The following SEMA6D variants were observed in gnomAD, a reference collection of about 807,000 sequenced individuals.
The protein encoded by SEMA6D is semaphorin 6D.
Under a neutral mutation model 106.6 loss-of-function variants are expected in SEMA6D, and 35 were observed. The observed-to-expected ratio is 0.33, with a 90% CI of 0.25 to 0.44. The LOEUF (loss-of-function observed/expected upper bound fraction) is 0.44, where lower values mean the gene tolerates loss of function less well. Ranked by LOEUF, SEMA6D falls within the 20% of genes least tolerant of loss-of-function variation. The pLI, the probability that SEMA6D is intolerant of heterozygous loss-of-function variation, is 1.00. For missense variants in SEMA6D, 1,185 were observed against 1,345.9 expected, an observed-to-expected ratio of 0.88 and a Z score of 1.87; for synonymous variants, 499 against 487.7, an observed-to-expected ratio of 1.02 and a Z score of -0.31.
At chr15:47,208,963 G>C (rs7169820) in intron 1 of SEMA6D, among the ~76,000 whole-genome samples, 7 of 151,944 alleles carry the variant, frequency 4.6e-5, no homozygotes, top group Admixed American at 2.0e-4. Flanking sequence ...TCACTAATAA[G>C]AAGGAGTCCA....
chr15:47,761,894 C>CA (rs1207686257), intron 7 of SEMA6D, 143 bp downstream of exon 7: 8 of 744,168 alleles, frequency 1.1e-5, no homozygotes, highest in Non-Finnish European at 1.5e-5. Context: ...CACAAATTTC[C>CA]AAAAAAAGAA....
intron 1 of SEMA6D, among the ~76,000 whole-genome samples, chr15:47,258,246 A>G (rs906563364): frequency 1.3e-5 from 2 of 152,304 alleles, no homozygotes; most frequent in East Asian, 1.9e-4. Context: ...CTTAGACCAC[A>G]CATTTAAGAT....
At chr15:47,439,048 A>G (rs406196) in intron 2 of SEMA6D, among the ~76,000 whole-genome samples, 119,951 of 151,406 alleles carry the variant, frequency 0.79, 48,563 homozygotes, top group East Asian at 0.98. Flanking sequence ...AGCTAAAAGA[A>G]ATAACCTGAA....
intron 3 of SEMA6D, among the ~76,000 whole-genome samples, chr15:47,587,933 T>C (rs2076372367): frequency 6.6e-6 from 1 of 152,144 alleles, no homozygotes; most frequent in Admixed American, 6.5e-5. Context: ...GATGGCAACA[T>C]TGATTTACTC....
chr15:47,685,757 C>T (rs994790645), intron 4 of SEMA6D, among the ~76,000 whole-genome samples: 7 of 152,052 alleles, frequency 4.6e-5, no homozygotes, highest in East Asian at 3.9e-4. Flanking sequence ...GGTTGAATCC[C>T]GGGTATCTAG....
chr15:47,234,072 A>G (rs1337769739), intron 1 of SEMA6D, among the ~76,000 whole-genome samples: 1 of 151,960 alleles, frequency 6.6e-6, no homozygotes, highest in Non-Finnish European at 1.5e-5. Flanking sequence ...GACAAACAAT[A>G]TACCAACCAA....
At chr15:47,515,745 G>A (rs1427279278) in intron 3 of SEMA6D, among the ~76,000 whole-genome samples, 1 of 152,174 alleles carries the variant, frequency 6.6e-6, no homozygotes, top group African/African-American at 2.4e-5. Context: ...ATATGATCTG[G>A]CATTTGGAGC....
At position 47,253,197 on chromosome 15, in the gene SEMA6D, A is replaced by G. The variant is rs576125350; in HGVS notation, c.-239+68779A>G. 6.6e-5 allele frequency among the ~76,000 whole-genome samples: 10 copies of G among 152,210 alleles called. No individual in the cohort carries two copies. The East Asian group carries it at 1.4e-3, about 21-fold the overall frequency. On this transcript the variant is annotated intron_variant, in intron 1 of 19. Transcript: ENST00000558014. Reference sequence around the variant, plus strand: ...TTAGTGATTTACCTAATGATTATTTACCTAGCGATCAGTGATTTTGCTATT... The same window carrying G: ...TTAGTGATTTACCTAATGATTATTTGCCTAGCGATCAGTGATTTTGCTATT...
chr15:47,503,351 A>G (rs1032224337), intron 3 of SEMA6D, among the ~76,000 whole-genome samples: 2 of 152,226 alleles, frequency 1.3e-5, no homozygotes, highest in Non-Finnish European at 2.9e-5. Flanking sequence ...AAACAAAGTG[A>G]GAACATACCA....
At chr15:47,199,817 T>C (rs985754900) in intron 1 of SEMA6D, among the ~76,000 whole-genome samples, 1 of 152,148 alleles carries the variant, frequency 6.6e-6, no homozygotes, top group Admixed American at 6.6e-5. Flanking sequence ...TGAACTGAGA[T>C]GTCTAATAAT....
intron 1 of SEMA6D, among the ~76,000 whole-genome samples, chr15:47,721,311 G>A (rs1307070898): frequency 1.3e-5 from 2 of 152,198 alleles, no homozygotes; most frequent in Non-Finnish European, 2.9e-5. Flanking sequence ...TAACACTAGT[G>A]AATGATTCAA....
At chr15:47,328,616 G>A (rs1296304683) in intron 1 of SEMA6D, among the ~76,000 whole-genome samples, 1 of 152,142 alleles carries the variant, frequency 6.6e-6, no homozygotes, top group Admixed American at 6.5e-5. Context: ...CAGTTCCTCT[G>A]ACCAGGCTTC....
In SEMA6D at chr15:47,764,675, T is replaced by C. The variant is rs187892792; in HGVS notation, c.1135T>C (p.Tyr379His). The C allele has an allele frequency of 6.2e-7, 1 of 1,614,050 alleles. No individual in the cohort carries two copies. The change falls in exon 12 of 19, where the codon TAT becomes CAT. Residue 379 changes from tyrosine (Y) to histidine (H), a missense_variant. Physicochemically the swap from Tyr to His is moderately conservative, Grantham distance 83 (BLOSUM62 2). Coordinates refer to ENST00000536845, the MANE Select transcript of SEMA6D (RefSeq NM_001358351.3). ...CCAKHGLAEA[Y>H]KTSIDFPDET... ...TGCAAAACACGGCCTTGCCGAAGCT[T>C]ATAAAACCTCCATCGATTTCCCGGA...
At chr15:47,427,625 T>C (rs555258105) in intron 2 of SEMA6D, among the ~76,000 whole-genome samples, 15 of 152,290 alleles carry the variant, frequency 9.8e-5, no homozygotes, top group African/African-American at 3.6e-4. Context: ...TTGCTAAATA[T>C]GTGACCTTGG....
At chr15:47,591,157 T>A (rs998653552) in intron 3 of SEMA6D, among the ~76,000 whole-genome samples, 2 of 152,194 alleles carry the variant, frequency 1.3e-5, no homozygotes, top group African/African-American at 2.4e-5. Flanking sequence ...TGTTGCTGCA[T>A]CCTCATGAGG....
At chr15:47,711,089 C>T (rs2079008939) in intron 4 of SEMA6D, among the ~76,000 whole-genome samples, 1 of 151,836 alleles carries the variant, frequency 6.6e-6, no homozygotes, top group East Asian at 1.9e-4. Flanking sequence ...GCGGGCGGAT[C>T]ACGAGGTCAG....
rs114569376 is a variant in SEMA6D, at chr15:47,695,588, C to T, written c.-54-64157C>T. 2.1e-4 allele frequency among the ~76,000 whole-genome samples: 32 copies of T among 152,186 alleles called. No homozygotes were observed. The East Asian group carries it at 6.0e-3, about 28-fold the overall frequency. On this transcript the variant is annotated intron_variant, in intron 4 of 19. Transcript: ENST00000558014. ...GGGCTAGGTCTTGTTAAATGAAGTT[C>T]TTAATTCATATTATCATCTGATGTC...
intron 1 of SEMA6D, among the ~76,000 whole-genome samples, chr15:47,325,719 C>CCTCCTTG (rs2037105723): frequency 2.0e-5 from 3 of 152,264 alleles, no homozygotes; most frequent in African/African-American, 7.2e-5. Context: ...TCTCCATTTA[C>CCTCCTTG]CATACTGTTT....
At chr15:47,649,269 A>G (rs2077638846) in intron 4 of SEMA6D, among the ~76,000 whole-genome samples, 3 of 152,308 alleles carry the variant, frequency 2.0e-5, no homozygotes, top group East Asian at 1.9e-4. Flanking sequence ...TCTCAGATAC[A>G]TATCTGTGGG....
Sources: gnomAD v4.1 joint callset for allele counts (sites outside exome capture counted in the v4.1 genomes callset) on GRCh38, gnomAD v4.1.1 for gene constraint, MANE v1.5 for transcripts, NCBI Gene and HGNC (gene_info 2026-07-23, HGNC 2026-07-21) for gene names.